The following KLHL14 variants were observed in gnomAD, a reference collection of about 807,000 sequenced individuals.
KLHL14 encodes kelch-like protein 14.
KLHL14 carries 22 observed loss-of-function variants against 64.3 expected under a neutral mutation model. The ratio of observed to expected loss-of-function variants is 0.34; its 90% CI spans 0.24 to 0.49. The LOEUF is 0.49. Among genes scored for constraint, KLHL14 ranks in the 20% least tolerant of loss-of-function variants. The probability of loss-of-function intolerance (pLI) is 0.99; values close to 1 mark genes in which losing one functional copy is unlikely to be tolerated. For missense variants in KLHL14, 661 were observed against 789.0 expected, an observed-to-expected ratio of 0.84 and a Z score of 1.94; for synonymous variants, 322 against 333.4, an observed-to-expected ratio of 0.97 and a Z score of 0.37.
At chr18:32,738,022 G>T (rs1391469353) in intron 3 of KLHL14, 2 of 152,000 alleles carry the variant, frequency 1.3e-5, no homozygotes, top group East Asian at 1.9e-4. Flanking sequence ...GTCACAAAAG[G>T]CAACAAAGAA....
rs774647628 is a variant in KLHL14, at chr18:32,674,606, C to T, written c.*51G>A. On this transcript the variant is annotated 3_prime_UTR_variant, in exon 9 of 9. Coordinates refer to ENST00000359358, the MANE Select transcript of KLHL14 (RefSeq NM_020805.3). Reference sequence around the variant, plus strand: ...GTTCCTATTATAATAGTGATGTCACCTGCCATTGCTTCCTAGAATGTGATA... The same window carrying T: ...GTTCCTATTATAATAGTGATGTCACTTGCCATTGCTTCCTAGAATGTGATA... 197 of 765,950 alleles carry T rather than the reference C, an allele frequency of 2.6e-4. 1 individual carries two copies. In the Admixed American group the frequency reaches 3.4e-3, roughly 13 times the overall value. The allele number at this position is 765,950 out of a possible 1,614,324, so 47.4% of individuals were successfully genotyped here.
intron 3 of KLHL14, among the ~76,000 whole-genome samples, chr18:32,702,420 G>A (rs1235834815): frequency 6.6e-6 from 1 of 150,476 alleles, no homozygotes; most frequent in African/African-American, 2.4e-5. Context: ...AAATTTGCTA[G>A]TTAGTTTAAT....
chr18:32,704,482 G>A (rs1026244042), intron 3 of KLHL14, among the ~76,000 whole-genome samples: 3 of 152,062 alleles, frequency 2.0e-5, no homozygotes, highest in Non-Finnish European at 4.4e-5. Flanking sequence ...CAGCACTTTG[G>A]GGGGCCGAGG....
At position 32,680,065 on chromosome 18, in the gene KLHL14, T is replaced by G. The variant is rs550004013; in HGVS notation, c.1588+104A>C. On this transcript the variant is annotated intron_variant, in intron 7 of 8. Transcript: ENST00000359358. This position sits in a 1 kb window ranked among gnomAD's most constrained non-coding sequence, Gnocchi z 4.8. ...AGTAGATTTTATTAGGTCAACATGT[T>G]TTTTACTTGGTTAACTATGATTATC... 6 of 1,183,760 alleles carry G rather than the reference T, an allele frequency of 5.1e-6. No individual in the cohort carries two copies. The South Asian group carries it at 7.8e-5, about 15-fold the overall frequency. 73.3% of individuals were successfully genotyped at this position (1,183,760 alleles called of 1,614,324 possible).
chr18:32,714,605 C>T (rs534035839), intron 3 of KLHL14, among the ~76,000 whole-genome samples: 1 of 152,272 alleles, frequency 6.6e-6, no homozygotes, highest in Admixed American at 6.5e-5. Flanking sequence ...ACTACTTCAG[C>T]GTTTCTCAGC....
Position 32,770,643 on chromosome 18 carries a change from CAG to C in KLHL14, c.-43-11_-43-10del, listed in dbSNP as rs1379943879. 22 of 1,117,434 alleles carry C rather than the reference CAG, an allele frequency of 2.0e-5. No individual in the cohort carries two copies. Among genetic ancestry groups the C allele is most frequent in the African/African-American group, 3.6e-5 (2 of 56,232 alleles). The allele number at this position is 1,117,434 out of a possible 1,614,324, so 69.2% of individuals were successfully genotyped here. On this transcript the variant is annotated splice_polypyrimidine_tract_variant and intron_variant, in intron 1 of 8. Transcript: ENST00000359358. This position sits in a 1 kb window ranked among gnomAD's most constrained non-coding sequence, Gnocchi z 6.7. ...TTAAACCCTCCTCCAACCTGGCAGACAGGGGTGGGGGATGGGAGGGAGGGGAG... is the reference window on the plus strand; with the variant it reads ...TTAAACCCTCCTCCAACCTGGCAGACGGGTGGGGGATGGGAGGGAGGGGAG...
In KLHL14 at chr18:32,719,221, T is replaced by G. The variant is rs534746945; in HGVS notation, c.1069+22707A>C. Among the ~76,000 whole-genome samples, 286 of 152,368 alleles carry G rather than the reference T, an allele frequency of 1.9e-3. 2 individuals carry two copies. Among genetic ancestry groups the G allele is most frequent in the African/African-American group, 6.5e-3 (271 of 41,598 alleles). On this transcript the variant is annotated intron_variant, in intron 3 of 8. Transcript: ENST00000359358. ...CCTTGGCCTCCCAAAGCACTGGGAT[T>G]ATAGGCGTAAGCCACTGCGCCCAGC... is the stretch of plus-strand genomic sequence containing the variant.
chr18:32,765,741 T>G (rs2144193663), intron 2 of KLHL14, among the ~76,000 whole-genome samples: 1 of 152,260 alleles, frequency 6.6e-6, no homozygotes, highest in South Asian at 2.1e-4. Context: ...GAATCAAAAC[T>G]GTATATTAGG....
Position 32,770,960 on chromosome 18 carries a change from C to A in KLHL14, c.-43-326G>T. On this transcript the variant is annotated intron_variant, in intron 1 of 8. Transcript: ENST00000359358. The surrounding 1 kb of genome is among the most constrained non-coding windows in gnomAD (Gnocchi z 6.7). The stretch of plus-strand genomic sequence containing the variant: ...TCAGCTCGGCTGTTGGCAGCAACAG[C>A]AGTGGCAGCAGCGACGGCAAAGTGG... 1 of 443,230 alleles carries A rather than the reference C, an allele frequency of 2.3e-6. No individual in the cohort carries two copies. The highest frequency in any genetic ancestry group is 2.6e-5 in the Admixed American group (1 of 38,062). The allele number at this position is 443,230 out of a possible 1,614,324, so 27.5% of individuals were successfully genotyped here. A position where few individuals can be genotyped will look rare whatever the true frequency, so the allele number is the denominator to read the frequency against.
chr18:32,686,020 T>G lies in KLHL14; in HGVS notation c.1238+1135A>C, dbSNP rs1345536885. Among the ~76,000 whole-genome samples the G allele has an allele frequency of 3.3e-5, 5 of 151,278 alleles. No homozygotes were observed. The East Asian group carries it at 9.7e-4, about 29-fold the overall frequency. On this transcript the variant is annotated intron_variant, in intron 5 of 8. Coordinates refer to ENST00000359358, the MANE Select transcript of KLHL14 (RefSeq NM_020805.3). ...TGATTCCCTTTTTCTTTCTTTTTTTTTTTTTTTTTGAGATGGAGTCTTACT... is the reference window on the plus strand; with the variant it reads ...TGATTCCCTTTTTCTTTCTTTTTTTGTTTTTTTTTGAGATGGAGTCTTACT...
intron 2 of KLHL14, among the ~76,000 whole-genome samples, chr18:32,754,811 G>A (rs1318219398): frequency 6.6e-6 from 1 of 152,206 alleles, no homozygotes; most frequent in African/African-American, 2.4e-5. Context: ...AATATTCATG[G>A]CAACAAATAA....
intron 3 of KLHL14, chr18:32,740,650 C>T (rs565285587): frequency 8.5e-5 from 13 of 152,256 alleles, no homozygotes; most frequent in South Asian, 2.1e-4. Context: ...CCACTCACTC[C>T]GATGTTTAAA....
intron 3 of KLHL14, among the ~76,000 whole-genome samples, chr18:32,701,428 G>GGGAA (rs1192974670): frequency 6.6e-6 from 1 of 152,166 alleles, no homozygotes; most frequent in Non-Finnish European, 1.5e-5. Flanking sequence ...GTGCAGAAGT[G>GGGAA]GGAATGAGTT....
At chr18:32,707,019 A>T (rs2049993955) in intron 3 of KLHL14, among the ~76,000 whole-genome samples, 1 of 152,156 alleles carries the variant, frequency 6.6e-6, no homozygotes, top group African/African-American at 2.4e-5. Flanking sequence ...GGTGCAGTGG[A>T]GGCTTGCTTG....
rs1376380875 is a variant in KLHL14, at chr18:32,770,247, C to T, written c.345G>A (p.Leu115=). 1 of 1,598,628 alleles carries T rather than the reference C, an allele frequency of 6.3e-7. No individual in the cohort carries two copies. The highest frequency in any genetic ancestry group is 1.7e-5 in the Admixed American group (1 of 59,450). ...GTPSSSPDDK[L]LTSPRAINNL... ...TGTTGATGGCCCGGGGGCTGGTCAG[C>T]AGCTTGTCGTCGGGGGAGGAAGAAG... Residue 115 remains leucine (L), a synonymous_variant, in exon 2 of 9, where the codon CTG becomes CTA. Coordinates refer to ENST00000359358, the MANE Select transcript of KLHL14 (RefSeq NM_020805.3). This position sits in a 1 kb window ranked among gnomAD's most constrained non-coding sequence, Gnocchi z 6.7.
At chr18:32,705,407 T>G (rs2049985174) in intron 3 of KLHL14, among the ~76,000 whole-genome samples, 1 of 152,234 alleles carries the variant, frequency 6.6e-6, no homozygotes, top group South Asian at 2.1e-4. Flanking sequence ...TATTTATCAA[T>G]TACAAAATAA....
At chr18:32,693,377 TACACACAC>T (rs869067364) in intron 4 of KLHL14, among the ~76,000 whole-genome samples, 1 of 96,654 alleles carries the variant, frequency 1.0e-5, no homozygotes, top group South Asian at 4.1e-4. Flanking sequence ...AAAGGGATCT[TACACACAC>T]ACACACACAC....
At chr18:32,749,970 C>T (rs2050242942) in intron 2 of KLHL14, among the ~76,000 whole-genome samples, 1 of 151,864 alleles carries the variant, frequency 6.6e-6, no homozygotes. Context: ...GATCAGAGTG[C>T]TGGTAGATTC....
intron 3 of KLHL14, among the ~76,000 whole-genome samples, chr18:32,727,258 T>C (rs1342933460): frequency 6.6e-6 from 1 of 152,242 alleles, no homozygotes; most frequent in Non-Finnish European, 1.5e-5. Context: ...AAGGTTACTC[T>C]GCCTAGCAAA....
Sources: allele counts gnomAD v4.1 joint callset (sites outside exome capture counted in the v4.1 genomes callset), GRCh38; gene constraint gnomAD v4.1.1; non-coding constraint Gnocchi (gnomAD v3.1); transcripts MANE v1.5; gene names NCBI Gene and HGNC (gene_info 2026-07-23, HGNC 2026-07-21).